Variants in ROPN1B observed in about 807,000 individuals in gnomAD.
The protein encoded by ROPN1B is rhophilin associated tail protein 1B.
ROPN1B carries 13 observed loss-of-function variants against 23.7 expected under a neutral mutation model. The observed-to-expected ratio is 0.55, with a 90% CI of 0.36 to 0.87. ROPN1B has a LOEUF of 0.87. Among genes scored for constraint, ROPN1B ranks in the 40% least tolerant of loss-of-function variants. ROPN1B has a pLI of 0.01. For synonymous variants in ROPN1B, 67 were observed against 100.4 expected (o/e 0.67, Z 1.99); for missense variants, 183 against 249.2 (o/e 0.73, Z 1.79).
At chr3:125,976,340 G>A (rs1266024288) in intron 4 of ROPN1B, among the ~76,000 whole-genome samples, 1 of 152,248 alleles carries the variant, frequency 6.6e-6, no homozygotes, top group African/African-American at 2.4e-5. Context: ...CAGGAAAGGT[G>A]TTGGAGCACT....
chr3:125,975,886 G>T (rs1938392825), intron 4 of ROPN1B, among the ~76,000 whole-genome samples: 1 of 152,212 alleles, frequency 6.6e-6, no homozygotes, highest in Non-Finnish European at 1.5e-5. Flanking sequence ...CATTGGTGGG[G>T]TCATCCCAGA....
intron 5 of ROPN1B, among the ~76,000 whole-genome samples, chr3:125,980,882 G>A (rs935766165): frequency 7.2e-5 from 11 of 152,068 alleles, no homozygotes; most frequent in African/African-American, 2.4e-4. Flanking sequence ...CCAGATAGCC[G>A]CATATATACT....
In ROPN1B at chr3:125,983,334, G is replaced by A; in HGVS notation, c.*14G>A. On this transcript the variant is annotated 3_prime_UTR_variant, in exon 7 of 7. Coordinates refer to ENST00000514116, the MANE Select transcript of ROPN1B (RefSeq NM_001308313.2). ...TGGCTGGAGTAACAGCACAATTTTG[G>A]CAATTTTAAAGGAAGATACAGAGGT... 6.2e-7 allele frequency: 1 copy of A among 1,604,588 alleles called. No homozygotes were observed. Among genetic ancestry groups the A allele is most frequent in the South Asian group, 1.1e-5 (1 of 90,812 alleles).
In ROPN1B at chr3:125,975,621, G is replaced by C. The variant is rs773786829; in HGVS notation, c.175G>C (p.Val59Leu). ...TCCGGTGAGAGAGCGGTCTGAGCGAGTCGCTTTGTGTAACTGGGCAGAGCT... is the reference window on the plus strand; with the variant it reads ...TCCGGTGAGAGAGCGGTCTGAGCGACTCGCTTTGTGTAACTGGGCAGAGCT... Reference protein sequence around the residue: ...TPPVRERSERVALCNWAELTP... With the variant: ...TPPVRERSERLALCNWAELTP... The change falls in exon 4 of 7, where the codon GTC becomes CTC. Residue 59 changes from valine to leucine, a missense_variant. Val to Leu is a conservative substitution (Grantham distance 32). Transcript: ENST00000514116. 3 of 1,614,146 alleles carry C rather than the reference G, an allele frequency of 1.9e-6. No individual in the cohort carries two copies. Among genetic ancestry groups the C allele is most frequent in the Non-Finnish European group, 2.5e-6 (3 of 1,180,010 alleles).
At chr3:125,982,007 T>C (rs538173112) in intron 5 of ROPN1B, among the ~76,000 whole-genome samples, 55 of 152,256 alleles carry the variant, frequency 3.6e-4, no homozygotes, top group Middle Eastern at 6.8e-3. Context: ...AACAAATATC[T>C]TAAAGTATTT....
At position 125,969,489 on chromosome 3, in the gene ROPN1B, C is replaced by T. The variant is rs1377808980; in HGVS notation, c.-59+89C>T. 6.7e-5 allele frequency: 5 copies of T among 75,170 alleles called. No homozygotes were observed. In the East Asian group the frequency reaches 1.4e-3, roughly 21 times the overall value. 4.7% of individuals were successfully genotyped at this position (75,170 alleles called of 1,614,324 possible). A position where few individuals can be genotyped will look rare whatever the true frequency, so the allele number is the denominator to read the frequency against. Reference sequence around the variant, plus strand: ...TCTGAGGGAGGAGCCCTGCCGGACGCCCCCTGGATTCTGAGCCTCTCCTTG... The same window carrying T: ...TCTGAGGGAGGAGCCCTGCCGGACGTCCCCTGGATTCTGAGCCTCTCCTTG... On this transcript the variant is annotated intron_variant, in intron 1 of 6. Transcript: ENST00000514116.
rs371496668 is a variant in ROPN1B, at chr3:125,975,598, C to T, written c.152C>T (p.Pro51Leu). ...GCCCTGTCCCGTGGAGAGACGCCTC[C>T]GGTGAGAGAGCGGTCTGAGCGAGTC... is the stretch of plus-strand genomic sequence containing the variant. ...FEALSRGETPPVRERSERVAL... is the reference protein window; with the variant it reads ...FEALSRGETPLVRERSERVAL... The change falls in exon 4 of 7, where the codon CCG becomes CTG. Residue 51 changes from proline (P) to leucine (L), a missense_variant. Physicochemically the swap from Pro to Leu is moderately conservative, Grantham distance 98. Coordinates refer to ENST00000514116, the MANE Select transcript of ROPN1B (RefSeq NM_001308313.2). 159 of 1,613,938 alleles carry T rather than the reference C, an allele frequency of 9.9e-5. No individual in the cohort carries two copies. Among genetic ancestry groups the T allele is most frequent in the South Asian group, 4.8e-4 (44 of 91,058 alleles).
chr3:125,971,917 A>C, intron 2 of ROPN1B, 126 bp from the exon 3 acceptor site: 1 of 722,962 alleles, frequency 1.4e-6, no homozygotes, highest in Non-Finnish European at 2.2e-6. Context: ...TAACAATAGA[A>C]TGCATTTGTC....
chr3:125,972,269 G>C, intron 3 of ROPN1B, 99 bp downstream of exon 3: 2 of 1,055,026 alleles, frequency 1.9e-6, no homozygotes, highest in Non-Finnish European at 2.9e-6. Context: ...CAGGGGGTCG[G>C]GACTAACTGG....
In ROPN1B at chr3:125,975,625, C is replaced by T. The variant is rs760304341; in HGVS notation, c.179C>T (p.Ala60Val). The T allele has an allele frequency of 2.5e-6, 4 of 1,613,936 alleles. No individual in the cohort carries two copies. Among genetic ancestry groups the T allele is most frequent in the African/African-American group, 1.3e-5 (1 of 74,894 alleles). ...GTGAGAGAGCGGTCTGAGCGAGTCG[C>T]TTTGTGTAACTGGGCAGAGCTAACA... The part of the protein sequence containing the change: ...PPVRERSERV[A>V]LCNWAELTPE... Residue 60 changes from alanine (A) to valine (V), a missense_variant, in exon 4 of 7, where the codon GCT (alanine) becomes GTT (valine). Physicochemically the swap from Ala to Val is moderately conservative, Grantham distance 64. Coordinates refer to ENST00000514116, the MANE Select transcript of ROPN1B (RefSeq NM_001308313.2).
chr3:125,982,007 T>A (rs538173112), intron 5 of ROPN1B, among the ~76,000 whole-genome samples: 94 of 152,256 alleles, frequency 6.2e-4, no homozygotes, highest in Non-Finnish European at 1.1e-3. Flanking sequence ...AACAAATATC[T>A]TAAAGTATTT....
chr3:125,983,307 T>G lies in ROPN1B; in HGVS notation c.626T>G (p.Val209Gly). Residue 209 changes from valine (V) to glycine (G), a missense_variant, in exon 7 of 7, where the codon GTT becomes GGT. Coordinates refer to ENST00000514116, the MANE Select transcript of ROPN1B (RefSeq NM_001308313.2). ...AATGACTTTACCCAAAACCCCAGGG[T>G]TTGGCTGGAGTAACAGCACAATTTT... ...TVNDFTQNPR[V>G]WLE 1.2e-6 allele frequency: 2 copies of G among 1,613,500 alleles called. No individual in the cohort carries two copies. The highest frequency in any genetic ancestry group is 2.2e-5 in the South Asian group (2 of 91,062).
At chr3:125,982,574 T>C (rs1225967963) in intron 6 of ROPN1B, 129 bp downstream of exon 6, 2 of 748,290 alleles carry the variant, frequency 2.7e-6, no homozygotes, top group African/African-American at 3.7e-5. Flanking sequence ...AATATCGATC[T>C]GAAAGAAAAG....
intron 5 of ROPN1B, among the ~76,000 whole-genome samples, chr3:125,981,666 A>G (rs1461135610): frequency 6.6e-6 from 1 of 152,188 alleles, no homozygotes; most frequent in African/African-American, 2.4e-5. Context: ...CTCATTCTCA[A>G]CCAATATTTC....
chr3:125,972,759 C>A, intron 3 of ROPN1B: 1 of 353,092 alleles, frequency 2.8e-6, no homozygotes, highest in Non-Finnish European at 5.6e-6. Context: ...TTTCTCTGAA[C>A]TGATTTGTTC....
In ROPN1B at chr3:125,983,397, A is replaced by C; in HGVS notation, c.*77A>C. 1.0e-6 allele frequency: 1 copy of C among 975,384 alleles called. No homozygotes were observed. Among genetic ancestry groups the C allele is most frequent in the Non-Finnish European group, 1.7e-6 (1 of 604,824 alleles). The allele number at this position is 975,384 out of a possible 1,614,324, so 60.4% of individuals were successfully genotyped here. A position where few individuals can be genotyped will look rare whatever the true frequency, so the allele number is the denominator to read the frequency against. Reference sequence around the variant, plus strand: ...GAATGATAAACCCATATACCACCTAAAATCAATTTTCTTGTACAACTGGTA... The same window carrying C: ...GAATGATAAACCCATATACCACCTACAATCAATTTTCTTGTACAACTGGTA... On this transcript the variant is annotated 3_prime_UTR_variant, in exon 7 of 7. Coordinates refer to ENST00000514116, the MANE Select transcript of ROPN1B (RefSeq NM_001308313.2).
At chr3:125,971,734 C>T (rs982721994) in intron 2 of ROPN1B, among the ~76,000 whole-genome samples, 1 of 152,058 alleles carries the variant, frequency 6.6e-6, no homozygotes, top group Non-Finnish European at 1.5e-5. Flanking sequence ...TATATTTATA[C>T]TGAAAAATTC....
intron 3 of ROPN1B, among the ~76,000 whole-genome samples, chr3:125,974,071 T>G (rs1440256102): frequency 6.6e-6 from 1 of 152,198 alleles, no homozygotes; most frequent in Non-Finnish European, 1.5e-5. Context: ...ACAGCTTTGC[T>G]TCCATGTTGT....
intron 5 of ROPN1B, among the ~76,000 whole-genome samples, chr3:125,979,905 G>T (rs561926452): frequency 2.4e-4 from 37 of 152,226 alleles, no homozygotes; most frequent in African/African-American, 8.2e-4. Context: ...ATGGCACACA[G>T]ACCTGTATTC....
Sources: allele counts gnomAD v4.1 joint callset (sites outside exome capture counted in the v4.1 genomes callset), GRCh38; gene constraint gnomAD v4.1.1; transcripts MANE v1.5; gene names NCBI Gene and HGNC (gene_info 2026-07-23, HGNC 2026-07-21).